TNFSF4: variants seen among roughly 807,000 people sequenced by gnomAD.
TNFSF4 encodes TNF superfamily member 4, also known as tumor necrosis factor ligand superfamily member 4.
Under a neutral mutation model 7.3 loss-of-function variants are expected in TNFSF4, and 4 were observed. The ratio of observed to expected loss-of-function variants is 0.55; its 90% CI spans 0.27 to 1.25. TNFSF4 has a LOEUF of 1.25. Ranked by LOEUF, TNFSF4 falls within the 50% of genes most tolerant of loss-of-function variation. The probability of loss-of-function intolerance (pLI) is 0.12; values close to 1 mark genes in which losing one functional copy is unlikely to be tolerated. For missense variants in TNFSF4, 181 were observed against 208.8 expected (o/e 0.87, Z 0.82); for synonymous variants, 76 against 83.7 (o/e 0.91, Z 0.50).
the TNFSF4 span, among the ~76,000 whole-genome samples, chr1:173,359,111 T>C: frequency 1.3e-5 from 2 of 152,248 alleles, no homozygotes; most frequent in African/African-American, 4.8e-5. Flanking sequence ...GGCGTTTAAC[T>C]TTATCTTGTG....
intron 1 of TNFSF4, among the ~76,000 whole-genome samples, chr1:173,189,758 T>C (rs1029086295): frequency 1.3e-5 from 2 of 152,078 alleles, no homozygotes; most frequent in African/African-American, 4.8e-5. Flanking sequence ...CATTAATGTA[T>C]CTGAAAGAAT....
chr1:173,251,805 A>G, the TNFSF4 span, among the ~76,000 whole-genome samples: 1 of 152,164 alleles, frequency 6.6e-6, no homozygotes, highest in Admixed American at 6.5e-5. Context: ...TGTGGTTTTT[A>G]CAATGACACT....
At chr1:173,449,085 G>A in the TNFSF4 span, among the ~76,000 whole-genome samples, 1 of 152,010 alleles carries the variant, frequency 6.6e-6, no homozygotes, top group African/African-American at 2.4e-5. Flanking sequence ...CATCCTCTTG[G>A]TACTGTCCTC....
the TNFSF4 span, among the ~76,000 whole-genome samples, chr1:173,282,275 G>A: frequency 6.6e-6 from 1 of 151,822 alleles, no homozygotes; most frequent in South Asian, 2.1e-4. Context: ...ATTACACATT[G>A]CATACATGTA....
At chr1:173,380,656 C>A in the TNFSF4 span, among the ~76,000 whole-genome samples, 1 of 152,110 alleles carries the variant, frequency 6.6e-6, no homozygotes, top group Non-Finnish European at 1.5e-5. Flanking sequence ...CTTCCTCATC[C>A]CCTCTTTCAA....
At chr1:173,400,216 A>G in the TNFSF4 span, among the ~76,000 whole-genome samples, 2 of 152,250 alleles carry the variant, frequency 1.3e-5, no homozygotes, top group Admixed American at 6.5e-5. Flanking sequence ...GAAGCAGCTG[A>G]TTTGACAGAA....
chr1:173,400,436 G>A, the TNFSF4 span, among the ~76,000 whole-genome samples: 2 of 152,308 alleles, frequency 1.3e-5, no homozygotes, highest in South Asian at 2.1e-4. Flanking sequence ...AGTTACACCA[G>A]TAAAATGTTT....
chr1:173,350,167 C>T, the TNFSF4 span, among the ~76,000 whole-genome samples: 1 of 152,168 alleles, frequency 6.6e-6, no homozygotes, highest in African/African-American at 2.4e-5. Flanking sequence ...GTGAAGGCTA[C>T]ATAAAACAAA....
the TNFSF4 span, among the ~76,000 whole-genome samples, chr1:173,275,561 TAATCTGACCAAC>T: frequency 6.6e-6 from 1 of 152,200 alleles, no homozygotes; most frequent in East Asian, 1.9e-4. Context: ...CCATTCAAAA[TAATCTGACCAAC>T]AGCAGGTGAG....
chr1:173,283,720 G>A, the TNFSF4 span, among the ~76,000 whole-genome samples: 127,509 of 152,062 alleles, frequency 0.84, 54,532 homozygotes, highest in Non-Finnish European at 0.92. Context: ...AAAGAAGTCT[G>A]AGATGCTGAA....
chr1:173,223,080 A>G, the TNFSF4 span, among the ~76,000 whole-genome samples: 2 of 152,202 alleles, frequency 1.3e-5, no homozygotes. Context: ...AGCTTGCCTC[A>G]AGCTTTTCAG....
the TNFSF4 span, among the ~76,000 whole-genome samples, chr1:173,281,538 G>C: frequency 1.3e-5 from 2 of 152,140 alleles, no homozygotes; most frequent in African/African-American, 4.8e-5. Context: ...TTCTCAGGAA[G>C]CTATTGAATA....
the TNFSF4 span, among the ~76,000 whole-genome samples, chr1:173,216,097 C>G: frequency 2.0e-5 from 3 of 152,136 alleles, no homozygotes; most frequent in Non-Finnish European, 4.4e-5. Flanking sequence ...ACTCAGAAGA[C>G]TAAGCGCAGA....
the TNFSF4 span, among the ~76,000 whole-genome samples, chr1:173,385,498 G>C: frequency 6.6e-6 from 1 of 152,238 alleles, no homozygotes; most frequent in African/African-American, 2.4e-5. Context: ...GCAAGCCATT[G>C]ACACAATTTC....
At chr1:173,262,494 G>A in the TNFSF4 span, among the ~76,000 whole-genome samples, 138 of 151,754 alleles carry the variant, frequency 9.1e-4, no homozygotes, top group Non-Finnish European at 1.6e-3. Flanking sequence ...AATCAGGCGA[G>A]AGAAAGAAAT....
the TNFSF4 span, among the ~76,000 whole-genome samples, chr1:173,275,088 G>A: frequency 6.6e-6 from 1 of 152,086 alleles, no homozygotes; most frequent in Non-Finnish European, 1.5e-5. Context: ...AGTTGGAAAG[G>A]AAACAACAAG....
At chr1:173,187,330 T>C (rs1649273697) in intron 2 of TNFSF4, among the ~76,000 whole-genome samples, 1 of 152,244 alleles carries the variant, frequency 6.6e-6, no homozygotes, top group Non-Finnish European at 1.5e-5. Context: ...GGATGAACTA[T>C]GGGCAAAGGG....
chr1:173,335,668 T>C, the TNFSF4 span, among the ~76,000 whole-genome samples: 2 of 152,198 alleles, frequency 1.3e-5, no homozygotes, highest in African/African-American at 4.8e-5. Flanking sequence ...AAGTCTAATC[T>C]GAATGAGAAA....
chr1:173,339,850 T>C, the TNFSF4 span, among the ~76,000 whole-genome samples: 2 of 152,280 alleles, frequency 1.3e-5, no homozygotes, highest in South Asian at 2.1e-4. Flanking sequence ...GAGATGTAGA[T>C]AGATGCCAAG....
Sources: allele counts gnomAD v4.1 joint callset (sites outside exome capture counted in the v4.1 genomes callset), GRCh38; gene constraint gnomAD v4.1.1; transcripts MANE v1.5; gene names NCBI Gene and HGNC (gene_info 2026-07-23, HGNC 2026-07-21).